MCC: variants seen among roughly 807,000 people sequenced by gnomAD.
MCC encodes MCC regulator of Wnt signaling pathway.
Under a neutral mutation model 116.2 loss-of-function variants are expected in MCC, and 90 were observed. The observed-to-expected ratio is 0.77, with a 90% CI of 0.65 to 0.92. The LOEUF (loss-of-function observed/expected upper bound fraction) is 0.92. MCC is among the 40% of genes least tolerant of loss of function. The pLI, the probability that MCC is intolerant of heterozygous loss-of-function variation, is 0.00. For synonymous variants in MCC, 578 were observed against 510.5 expected (o/e 1.13, Z -1.78); for missense variants, 1,516 against 1,312.2 (o/e 1.16, Z -2.40).
chr5:113,363,669 C>G (rs1478184563), intron 2 of MCC, among the ~76,000 whole-genome samples: 2 of 152,194 alleles, frequency 1.3e-5, no homozygotes, highest in Non-Finnish European at 2.9e-5. Flanking sequence ...GGTGGGGATA[C>G]AGATCCAAAC....
At chr5:113,361,982 G>T (rs2150385563) in intron 2 of MCC, among the ~76,000 whole-genome samples, 1 of 152,224 alleles carries the variant, frequency 6.6e-6, no homozygotes, top group East Asian at 1.9e-4. Context: ...CAGTCTTCCT[G>T]GTTCCCCAGC....
chr5:113,192,682 A>AGAT (rs1290655713), intron 3 of MCC, among the ~76,000 whole-genome samples: 1 of 152,222 alleles, frequency 6.6e-6, no homozygotes, highest in Non-Finnish European at 1.5e-5. Flanking sequence ...AAGGACTAAG[A>AGAT]GATGATACAT....
At chr5:113,053,653 G>C (rs1752626395) in intron 15 of MCC, 72 bp downstream of exon 15, 3 of 1,083,682 alleles carry the variant, frequency 2.8e-6, no homozygotes, top group Admixed American at 3.7e-5. Flanking sequence ...TTATCTGCTG[G>C]ACCTGCTTTC....
intron 6 of MCC, among the ~76,000 whole-genome samples, chr5:113,118,390 T>C (rs1315856565): frequency 6.6e-6 from 1 of 152,234 alleles, no homozygotes; most frequent in Non-Finnish European, 1.5e-5. Flanking sequence ...TGACAGAGGC[T>C]GGCACCTTTC....
intron 1 of MCC, among the ~76,000 whole-genome samples, chr5:113,411,279 C>CCTTTT (rs773065634): frequency 5.9e-5 from 9 of 152,050 alleles, no homozygotes; most frequent in African/African-American, 2.2e-4. Flanking sequence ...TTGTTTCCTG[C>CCTTTT]CTTTTTAATG....
At chr5:113,140,801 A>G (rs1759131321) in intron 5 of MCC, among the ~76,000 whole-genome samples, 1 of 152,170 alleles carries the variant, frequency 6.6e-6, no homozygotes, top group South Asian at 2.1e-4. Flanking sequence ...ATGACAAGCA[A>G]TTCTGTAGAC....
intron 1 of MCC, among the ~76,000 whole-genome samples, chr5:113,475,024 A>C (rs939421526): frequency 2.6e-5 from 4 of 152,220 alleles, no homozygotes; most frequent in African/African-American, 9.6e-5. Context: ...TATTTAAAGG[A>C]AATGCAGCCA....
At chr5:113,380,559 G>C (rs527794670) in intron 2 of MCC, among the ~76,000 whole-genome samples, 6 of 152,134 alleles carry the variant, frequency 3.9e-5, no homozygotes, top group Non-Finnish European at 7.3e-5. Context: ...CCCTGTGCCA[G>C]GCACTATTCT....
chr5:113,313,975 C>T (rs2150368946), intron 3 of MCC, among the ~76,000 whole-genome samples: 1 of 152,244 alleles, frequency 6.6e-6, no homozygotes, highest in Admixed American at 6.5e-5. Flanking sequence ...TGCAGGCCAC[C>T]ATGCCTGGCT....
chr5:113,097,000 G>C (rs1756067145), intron 8 of MCC, among the ~76,000 whole-genome samples: 2 of 152,092 alleles, frequency 1.3e-5, no homozygotes, highest in South Asian at 4.1e-4. Context: ...GACAGGACTT[G>C]GTTTTACAGA....
intron 15 of MCC, among the ~76,000 whole-genome samples, chr5:113,050,078 A>G (rs1318015228): frequency 1.3e-5 from 2 of 152,224 alleles, no homozygotes; most frequent in African/African-American, 4.8e-5. Flanking sequence ...TGTTCACATG[A>G]CGTGGCTCAT....
intron 3 of MCC, among the ~76,000 whole-genome samples, chr5:113,272,935 T>C (rs1413772248): frequency 6.6e-6 from 1 of 152,192 alleles, no homozygotes; most frequent in Admixed American, 6.5e-5. Flanking sequence ...AACGTAATAA[T>C]GTTGACTAAA....
rs1329200901 is a variant in MCC at position 113,385,082 on chromosome 5, C to T, written c.301G>A (p.Val101Ile). 1.2e-6 allele frequency: 2 copies of T among 1,614,230 alleles called. No individual in the cohort carries two copies. The highest frequency in any genetic ancestry group is 1.7e-6 in the Non-Finnish European group (2 of 1,180,046). ...ACTTCCTCCTTCCTAATTTCTCGAACAAGCTGCATGCGGCATCTTGTGAAA... is the reference window on the plus strand; with the variant it reads ...ACTTCCTCCTTCCTAATTTCTCGAATAAGCTGCATGCGGCATCTTGTGAAA... The part of the protein sequence containing the change: ...QDFTRCRMQL[V>I]REIRKEEVDL... The change falls in exon 2 of 19, where the codon GTT becomes ATT. Residue 101 changes from valine (V) to isoleucine (I), a missense_variant. Coordinates refer to ENST00000408903, the MANE Select transcript of MCC (RefSeq NM_001085377.2).
chr5:113,308,717 G>A (rs983305964), intron 3 of MCC, among the ~76,000 whole-genome samples: 2 of 151,994 alleles, frequency 1.3e-5, no homozygotes, highest in African/African-American at 4.8e-5. Flanking sequence ...ACGCTGAAGT[G>A]GGAGGATTGC....
At chr5:113,414,771 A>C (rs140209360) in intron 1 of MCC, among the ~76,000 whole-genome samples, 5,282 of 152,168 alleles carry the variant, frequency 0.035, 327 homozygotes, top group African/African-American at 0.12. Flanking sequence ...CTTACATTTA[A>C]GGTTAATATT....
rs567096428 is a variant in MCC, at chr5:113,434,361, C to A, written c.171-49149G>T. 1.2e-6 allele frequency: 2 copies of A among 1,613,602 alleles called. No individual in the cohort carries two copies. The highest frequency in any genetic ancestry group is 2.7e-5 in the African/African-American group (2 of 74,856). ...TCGACCACTGTCATCCCGCAGGCAG[C>A]GCTTGGAGAAGCTGAAGTCGGACAG... On this transcript the variant is annotated intron_variant, in intron 1 of 18. Coordinates refer to ENST00000408903, the MANE Select transcript of MCC (RefSeq NM_001085377.2). This position sits in a 1 kb window ranked among gnomAD's most constrained non-coding sequence, Gnocchi z 4.2.
chr5:113,100,048 G>T (rs956755540), intron 8 of MCC, among the ~76,000 whole-genome samples: 1 of 152,136 alleles, frequency 6.6e-6, no homozygotes, highest in Non-Finnish European at 1.5e-5. Context: ...TGCTGACTGG[G>T]ATGATTTACA....
chr5:113,289,327 T>TC (rs1383059240), intron 3 of MCC, among the ~76,000 whole-genome samples: 8 of 88,884 alleles, frequency 9.0e-5, no homozygotes, highest in African/African-American at 4.7e-4. Context: ...AGGCTCCATC[T>TC]CAAAAAAAAA....
At chr5:113,433,521 C>T in intron 1 of MCC, 1 of 632,332 alleles carries the variant, frequency 1.6e-6, no homozygotes, top group Non-Finnish European at 2.8e-6. Context: ...GTAGGAGTCG[C>T]ACGACTGTCT....
Sources: gnomAD v4.1 joint callset for allele counts (sites outside exome capture counted in the v4.1 genomes callset) on GRCh38, gnomAD v4.1.1 for gene constraint, Gnocchi (gnomAD v3.1) non-coding constraint, MANE v1.5 for transcripts, NCBI Gene and HGNC (gene_info 2026-07-23, HGNC 2026-07-21) for gene names.